The following GPN3 variants were observed in gnomAD, a reference collection of about 807,000 sequenced individuals.
GPN3 encodes the protein GPN-loop GTPase 3, also known as ATP-binding domain 1 family member C.
A neutral mutation model predicts 38.7 loss-of-function variants in GPN3; 31 were observed. The observed-to-expected ratio is 0.80, with a 90% CI of 0.60 to 1.08. The LOEUF is 1.08. GPN3 is among the 50% of genes least tolerant of loss of function. The pLI is 0.00. For missense variants in GPN3, 301 were observed against 354.4 expected, an observed-to-expected ratio of 0.85 and a Z score of 1.21; for synonymous variants, 116 against 120.2, an observed-to-expected ratio of 0.96 and a Z score of 0.23.
At chr12:110,464,845 G>C in intron 2 of GPN3, 1 of 398,432 alleles carries the variant, frequency 2.5e-6, no homozygotes, top group Non-Finnish European at 4.7e-6. Flanking sequence ...CACCCGCCTC[G>C]GCCTCCCAAA....
intron 1 of GPN3, among the ~76,000 whole-genome samples, chr12:110,467,407 T>C (rs1306839129): frequency 6.6e-6 from 1 of 152,212 alleles, no homozygotes; most frequent in East Asian, 1.9e-4. Flanking sequence ...TACTGTAAAC[T>C]GAAAACCACT....
chr12:110,456,368 CAT>C (rs2062550085), intron 4 of GPN3, among the ~76,000 whole-genome samples: 1 of 140,846 alleles, frequency 7.1e-6, no homozygotes, highest in Non-Finnish European at 1.5e-5. Flanking sequence ...CAGTTCAGAA[CAT>C]GTGGAAAAGG....
intron 3 of GPN3, among the ~76,000 whole-genome samples, chr12:110,459,323 C>T (rs1199525102): frequency 6.6e-6 from 1 of 151,648 alleles, no homozygotes; most frequent in Non-Finnish European, 1.5e-5. Context: ...TCACTGCAAG[C>T]TCCACCTCCC....
In GPN3 at chr12:110,455,604, A is replaced by T; in HGVS notation, c.645T>A (p.Thr215=). The T allele has an allele frequency of 7.0e-7, 1 of 1,426,230 alleles. No individual in the cohort carries two copies. Among genetic ancestry groups the T allele is most frequent in the Non-Finnish European group, 9.9e-7 (1 of 1,011,120 alleles). 88.3% of individuals were successfully genotyped at this position (1,426,230 alleles called of 1,614,324 possible). A position where few individuals can be genotyped will look rare whatever the true frequency, so the allele number is the denominator to read the frequency against. The change falls in exon 6 of 8, where the codon ACT becomes ACA. Residue 215 remains threonine (T), a synonymous_variant. Transcript: ENST00000228827. The part of the protein sequence containing the change: ...DLRSKKFKKL[T]KAICGLIDDY... ...AGCTTACCAGTCCACATATAGCTTT[A>T]GTCAGTTTCTTGAATTTTTTGCTTC...
upstream of GPN3, chr12:110,468,539 G>A (rs977628146): frequency 6.5e-7 from 1 of 1,537,300 alleles, no homozygotes; most frequent in Non-Finnish European, 8.7e-7. Context: ...CGTGGTTTGC[G>A]TGCAGACGTT....
At chr12:110,467,381 G>T (rs1480904938) in intron 1 of GPN3, among the ~76,000 whole-genome samples, 4 of 152,040 alleles carry the variant, frequency 2.6e-5, no homozygotes, top group Admixed American at 2.6e-4. Context: ...TTGTTTACAA[G>T]AAAAAATTTT....
In GPN3 at chr12:110,457,638, C is replaced by A; in HGVS notation, c.326-4G>T. 1.3e-6 allele frequency: 2 copies of A among 1,579,870 alleles called. No homozygotes were observed. Among genetic ancestry groups the A allele is most frequent in the Middle Eastern group, 1.7e-4 (1 of 5,906 alleles). On this transcript the variant is annotated splice_polypyrimidine_tract_variant and splice_region_variant and intron_variant, in intron 3 of 7. Coordinates refer to ENST00000228827, the MANE Select transcript of GPN3 (RefSeq NM_016301.4). Reference sequence around the variant, plus strand: ...TGAGTGTACAACTCAATCTGACCTACATGAAGAGTATTGCAAGAATTTTAG... The same window carrying A: ...TGAGTGTACAACTCAATCTGACCTAAATGAAGAGTATTGCAAGAATTTTAG...
intron 2 of GPN3, among the ~76,000 whole-genome samples, chr12:110,462,520 T>A (rs1672944169): frequency 1.3e-5 from 2 of 152,158 alleles, no homozygotes; most frequent in Admixed American, 1.3e-4. Flanking sequence ...CTTCCTTACA[T>A]CTCCACCGTG....
intron 2 of GPN3, among the ~76,000 whole-genome samples, chr12:110,463,867 C>T (rs989580350): frequency 6.6e-6 from 1 of 151,924 alleles, no homozygotes; most frequent in African/African-American, 2.4e-5. Context: ...CCACTGACAA[C>T]AGGATAAAAT....
intron 2 of GPN3, among the ~76,000 whole-genome samples, chr12:110,463,415 A>G (rs1035836239): frequency 7.4e-6 from 1 of 135,498 alleles, no homozygotes; most frequent in Non-Finnish European, 1.5e-5. Context: ...AGGCTACTAT[A>G]CTATATAGCC....
intron 5 of GPN3, 22 bp from the exon 6 acceptor site, chr12:110,455,704 A>G (rs142569096): frequency 3.7e-6 from 4 of 1,085,106 alleles, no homozygotes; most frequent in Non-Finnish European, 5.7e-6. Flanking sequence ...AGAAAGACTG[A>G]TGAATTCAGG....
Position 110,458,261 on chromosome 12 carries a change from G to GC in GPN3, c.326-628dup, listed in dbSNP as rs146131605. Among the ~76,000 whole-genome samples, 612 of 152,130 alleles carry GC rather than the reference G, an allele frequency of 4.0e-3. 30 individuals carry two copies. In the East Asian group the frequency reaches 0.095, roughly 24 times the overall value. ...TTTGGGAGGCTAAGGTGGGAGGATA[G>GC]CTTGAGCCCAGGACTTTGAGAGCAG... is the stretch of plus-strand genomic sequence containing the variant. On this transcript the variant is annotated intron_variant, in intron 3 of 7. Coordinates refer to ENST00000228827, the MANE Select transcript of GPN3 (RefSeq NM_016301.4). The surrounding 1 kb of genome is among the most constrained non-coding windows in gnomAD (Gnocchi z 4.4).
intron 2 of GPN3, chr12:110,464,886 C>T (rs1039853076): frequency 3.6e-5 from 19 of 524,074 alleles, no homozygotes; most frequent in East Asian, 6.4e-5. Context: ...AGCCTCCGCG[C>T]CCGGCCCCAT....
chr12:110,468,012 G>A lies in GPN3; in HGVS notation c.48+144C>T, dbSNP rs1372540561. On this transcript the variant is annotated intron_variant, in intron 1 of 7. Transcript: ENST00000228827. Reference sequence around the variant, plus strand: ...TCCCTTTCAAAACAACAACAAAAAAGAACGTGAAGCCAGACAGCAGAAATG... The same window carrying A: ...TCCCTTTCAAAACAACAACAAAAAAAAACGTGAAGCCAGACAGCAGAAATG... 4 of 1,137,116 alleles carry A rather than the reference G, an allele frequency of 3.5e-6. No individual in the cohort carries two copies. In the East Asian group the frequency reaches 9.4e-5, roughly 27 times the overall value. The allele number at this position is 1,137,116 out of a possible 1,614,324, so 70.4% of individuals were successfully genotyped here.
upstream of GPN3, chr12:110,468,439 T>G (rs2062653477): frequency 6.5e-7 from 1 of 1,534,756 alleles, no homozygotes; most frequent in Non-Finnish European, 8.7e-7. Flanking sequence ...TTGATGGAAA[T>G]CGGCCGTTGG....
At chr12:110,455,306 T>C (rs2062542104) in intron 6 of GPN3, among the ~76,000 whole-genome samples, 2 of 151,982 alleles carry the variant, frequency 1.3e-5, no homozygotes, top group African/African-American at 4.8e-5. Context: ...TTTGTATTTT[T>C]AGTAGAGACA....
At chr12:110,463,235 CGAGACCAGCCTGGGCAAT>C (rs1261930420) in intron 2 of GPN3, among the ~76,000 whole-genome samples, 22 of 151,920 alleles carry the variant, frequency 1.4e-4, no homozygotes, top group Non-Finnish European at 2.1e-4. Flanking sequence ...GCCTGGAAAT[CGAGACCAGCCTGGGCAAT>C]GAGACCAGCC....
chr12:110,468,259 A>G (rs2135534202), upstream of GPN3: 3 of 1,603,334 alleles, frequency 1.9e-6, no homozygotes, highest in Non-Finnish European at 1.7e-6. Context: ...ACGCCCACTG[A>G]GCTCCGGGAA....
intron 2 of GPN3, chr12:110,460,872 G>A: frequency 1.6e-6 from 1 of 642,784 alleles, no homozygotes; most frequent in East Asian, 2.7e-5. Context: ...GCTGAGGCAG[G>A]AGAATCACTT....
Sources: gnomAD v4.1 joint callset for allele counts (sites outside exome capture counted in the v4.1 genomes callset) on GRCh38, gnomAD v4.1.1 for gene constraint, Gnocchi (gnomAD v3.1) non-coding constraint, MANE v1.5 for transcripts, NCBI Gene and HGNC (gene_info 2026-07-23, HGNC 2026-07-21) for gene names.